GRAMD1C: variants seen among roughly 807,000 people sequenced by gnomAD.
The protein encoded by GRAMD1C is protein Aster-C.
Under a neutral mutation model 97.8 loss-of-function variants are expected in GRAMD1C, and 89 were observed. The ratio of observed to expected loss-of-function variants is 0.91; its 90% CI spans 0.77 to 1.09. GRAMD1C has a LOEUF of 1.09. Ranked by LOEUF, GRAMD1C falls within the 50% of genes least tolerant of loss-of-function variation. The pLI is 0.00. For synonymous variants in GRAMD1C, 256 were observed against 267.0 expected (o/e 0.96, Z 0.40); for missense variants, 740 against 766.4 (o/e 0.97, Z 0.41).
intron 9 of GRAMD1C, among the ~76,000 whole-genome samples, chr3:113,909,934 A>G (rs780692160): frequency 3.3e-5 from 5 of 152,186 alleles, no homozygotes; most frequent in African/African-American, 4.8e-5. Flanking sequence ...GAGCATGGAA[A>G]GTTCATCATA....
At chr3:113,831,569 T>C (rs1287850231) in intron 1 of GRAMD1C, among the ~76,000 whole-genome samples, 1 of 152,198 alleles carries the variant, frequency 6.6e-6, no homozygotes, top group Admixed American at 6.5e-5. Context: ...GTTGGTCTAC[T>C]TGGCAGTGTC....
intron 13 of GRAMD1C, 39 bp from the exon 14 acceptor site, chr3:113,936,227 C>T: frequency 8.4e-7 from 1 of 1,187,938 alleles, no homozygotes; most frequent in Non-Finnish European, 1.2e-6. Flanking sequence ...AGTTGAGGAG[C>T]TTTCCTCACT....
chr3:113,904,337 T>C, intron 8 of GRAMD1C, 65 bp downstream of exon 8: 2 of 1,098,374 alleles, frequency 1.8e-6, no homozygotes, highest in South Asian at 2.8e-5. Context: ...GAATACAAGA[T>C]AAATAAGGAT....
chr3:113,891,213 G>T (rs1198703589), intron 6 of GRAMD1C, among the ~76,000 whole-genome samples: 1 of 152,144 alleles, frequency 6.6e-6, no homozygotes, highest in Non-Finnish European at 1.5e-5. Context: ...CTACTGTACA[G>T]AACTTAAAGT....
intron 10 of GRAMD1C, among the ~76,000 whole-genome samples, chr3:113,924,546 G>C (rs553631757): frequency 2.0e-5 from 3 of 152,244 alleles, no homozygotes; most frequent in Non-Finnish European, 2.9e-5. Context: ...ATCAGGAGCA[G>C]GTTGTTTAAT....
At chr3:113,896,728 T>C (rs760983903) in intron 6 of GRAMD1C, among the ~76,000 whole-genome samples, 61 of 152,218 alleles carry the variant, frequency 4.0e-4, no homozygotes, top group Non-Finnish European at 7.6e-4. Flanking sequence ...TCTGCCATTG[T>C]ATAAAATGAT....
At chr3:113,872,370 A>G (rs13061025) in intron 3 of GRAMD1C, among the ~76,000 whole-genome samples, 48,071 of 147,416 alleles carry the variant, frequency 0.33, 8,435 homozygotes, top group Admixed American at 0.38. Flanking sequence ...ACTACTATGA[A>G]TCCACTTCAT....
intron 6 of GRAMD1C, among the ~76,000 whole-genome samples, chr3:113,891,849 TG>T (rs1935738509): frequency 6.6e-6 from 1 of 152,016 alleles, no homozygotes; most frequent in South Asian, 2.1e-4. Context: ...ACCGTGCCAC[TG>T]CACTCCAGCC....
chr3:113,882,797 A>T lies in GRAMD1C; in HGVS notation c.505A>T (p.Ile169Phe). The change falls in exon 6 of 18, where the codon ATC becomes TTC. Residue 169 changes from isoleucine to phenylalanine, a missense_variant. Physicochemically the swap from Ile to Phe is conservative, Grantham distance 21 (BLOSUM62 0). Transcript: ENST00000358160. Reference protein sequence around the residue: ...FGARDRSYLSIFRLWQNVLLD... With the variant: ...FGARDRSYLSFFRLWQNVLLD... ...TGCCAGGGATAGAAGTTACCTCAGT[A>T]TCTTTAGGTTGTGGCAGAATGTATT... 1 of 1,596,862 alleles carries T rather than the reference A, an allele frequency of 6.3e-7. No individual in the cohort carries two copies. The highest frequency in any genetic ancestry group is 8.6e-7 in the Non-Finnish European group (1 of 1,164,800).
At chr3:113,907,187 G>T (rs1186311309) in intron 8 of GRAMD1C, among the ~76,000 whole-genome samples, 2 of 152,194 alleles carry the variant, frequency 1.3e-5, no homozygotes, top group East Asian at 1.9e-4. Context: ...GAATCTGCCT[G>T]TGATCAGTAA....
upstream of GRAMD1C, chr3:113,838,712 C>CA (rs752989027): frequency 9.6e-5 from 36 of 374,476 alleles, no homozygotes; most frequent in South Asian, 1.4e-4. Context: ...GACAAGCCTT[C>CA]AGGCTAACCC....
upstream of GRAMD1C, among the ~76,000 whole-genome samples, chr3:113,836,809 A>G (rs1240626102): frequency 6.6e-6 from 1 of 151,836 alleles, no homozygotes; most frequent in Non-Finnish European, 1.5e-5. Flanking sequence ...ACGCCCGACT[A>G]ATTTTTGTAT....
chr3:113,934,651 C>A, intron 13 of GRAMD1C, 116 bp downstream of exon 13: 1 of 579,864 alleles, frequency 1.7e-6, no homozygotes, highest in East Asian at 3.1e-5. Context: ...GGAAAGACTC[C>A]CATGAAAGTG....
intron 2 of GRAMD1C, among the ~76,000 whole-genome samples, chr3:113,866,932 G>A (rs920217191): frequency 1.6e-4 from 24 of 151,940 alleles, no homozygotes; most frequent in Non-Finnish European, 2.8e-4. Flanking sequence ...GAGTTCAAGG[G>A]ATTCTCCTGC....
intron 6 of GRAMD1C, among the ~76,000 whole-genome samples, chr3:113,896,791 T>C (rs1375893968): frequency 6.6e-6 from 1 of 152,176 alleles, no homozygotes; most frequent in Non-Finnish European, 1.5e-5. Context: ...CAAGTAGCCT[T>C]TGATTTGTTT....
At chr3:113,847,348 A>G (rs1324344645) in intron 2 of GRAMD1C, among the ~76,000 whole-genome samples, 1 of 152,226 alleles carries the variant, frequency 6.6e-6, no homozygotes, top group Middle Eastern at 3.2e-3. Context: ...CCATGCTATT[A>G]TATCTTAGGA....
upstream of GRAMD1C, among the ~76,000 whole-genome samples, chr3:113,837,606 A>T (rs1709657064): frequency 6.6e-6 from 1 of 152,154 alleles, no homozygotes; most frequent in African/African-American, 2.4e-5. Context: ...GTTATTATTG[A>T]CTGGGAGCTG....
At position 113,901,117 on chromosome 3, in the gene GRAMD1C, G is replaced by T; in HGVS notation, c.627G>T (p.Leu209Phe). The change falls in exon 7 of 18, where the codon TTG becomes TTT. Residue 209 changes from leucine (L) to phenylalanine (F), a missense_variant. Leu to Phe is a conservative substitution (Grantham distance 22, BLOSUM62 0). Transcript: ENST00000358160. ...LGLNAEEMEN[L>F]SLSIEDVQPR... ...TAAATGCTGAGGAGATGGAAAACTT[G>T]TCACTGTCGATTGAGGATGTGCAGC... The T allele has an allele frequency of 2.5e-6, 4 of 1,602,740 alleles. No homozygotes were observed. Among genetic ancestry groups the T allele is most frequent in the Non-Finnish European group, 3.4e-6 (4 of 1,169,802 alleles).
chr3:113,883,659 AAACAG>A (rs1029348440), intron 6 of GRAMD1C, among the ~76,000 whole-genome samples: 30 of 152,282 alleles, frequency 2.0e-4, no homozygotes, highest in African/African-American at 5.3e-4. Context: ...ACAGTAACCA[AAACAG>A]AACAGAAGTG....
Sources: allele counts gnomAD v4.1 joint callset (sites outside exome capture counted in the v4.1 genomes callset), GRCh38; gene constraint gnomAD v4.1.1; transcripts MANE v1.5; gene names NCBI Gene and HGNC (gene_info 2026-07-23, HGNC 2026-07-21).